NEK6: variants seen among roughly 807,000 people sequenced by gnomAD.
The protein encoded by NEK6 is serine/threonine-protein kinase Nek6.
In NEK6, 27 loss-of-function variants were observed where a neutral mutation model predicts 43.5. The observed-to-expected ratio is 0.62, with a 90% CI of 0.46 to 0.86. The LOEUF (loss-of-function observed/expected upper bound fraction) is 0.86. Ranked by LOEUF, NEK6 falls within the 40% of genes least tolerant of loss-of-function variation. The probability of loss-of-function intolerance (pLI) is 0.00; values close to 1 mark genes in which losing one functional copy is unlikely to be tolerated. For synonymous variants in NEK6, 167 were observed against 164.1 expected, an observed-to-expected ratio of 1.02 and a Z score of -0.14; for missense variants, 318 against 414.4, an observed-to-expected ratio of 0.77 and a Z score of 2.02.
chr9:124,326,202 T>TCACCCCCCCCC lies in NEK6; in HGVS notation c.406-127_406-126insACCCCCCCCCC. 8.1e-6 allele frequency: 1 copy of TCACCCCCCCCC among 124,052 alleles called. No homozygotes were observed. Among genetic ancestry groups the TCACCCCCCCCC allele is most frequent in the Non-Finnish European group, 2.0e-5 (1 of 50,618 alleles). 7.7% of individuals were successfully genotyped at this position (124,052 alleles called of 1,614,324 possible). ...GCTTATTGTTTGCTCAGTGGCTCAA[T>TCACCCCCCCCC]CCCCCCCCCCCGCCCCTGCCAGGCA... is the stretch of plus-strand genomic sequence containing the variant. On this transcript the variant is annotated intron_variant, in intron 5 of 9. Coordinates refer to ENST00000320246, the MANE Select transcript of NEK6 (RefSeq NM_014397.6). This position sits in a 1 kb window ranked among gnomAD's most constrained non-coding sequence, Gnocchi z 4.5.
intron 2 of NEK6, 80 bp downstream of exon 2, chr9:124,302,134 C>T: frequency 9.4e-7 from 1 of 1,064,334 alleles, no homozygotes; most frequent in Non-Finnish European, 1.4e-6. Flanking sequence ...TGTCCAAACT[C>T]CTACTGGTGG....
intron 1 of NEK6, chr9:124,259,117 T>C (rs1339521248): frequency 6.6e-6 from 1 of 152,282 alleles, no homozygotes; most frequent in Non-Finnish European, 1.5e-5. Context: ...GGACACCAGC[T>C]TCCGAGGTCT....
intron 7 of NEK6, among the ~76,000 whole-genome samples, chr9:124,339,035 T>A (rs1829442225): frequency 6.9e-6 from 1 of 145,508 alleles, no homozygotes; most frequent in Admixed American, 6.9e-5. Flanking sequence ...TTTTTTTTTT[T>A]TTTTTTTTTT....
upstream of NEK6, chr9:124,257,622 G>C: frequency 1.3e-6 from 2 of 1,492,404 alleles, no homozygotes; most frequent in Non-Finnish European, 1.8e-6. Flanking sequence ...CTAGGCGATG[G>C]GGAATCCGAA....
At position 124,275,471 on chromosome 9, in the gene NEK6, G is replaced by A. The variant is rs112336137; in HGVS notation, c.-30+17386G>A. Among the ~76,000 whole-genome samples, 673 of 152,314 alleles carry A rather than the reference G, an allele frequency of 4.4e-3. 7 individuals are homozygous for A. Among genetic ancestry groups the A allele is most frequent in the African/African-American group, 0.015 (644 of 41,572 alleles). On this transcript the variant is annotated intron_variant, in intron 1 of 9. Transcript: ENST00000320246. This position sits in a 1 kb window ranked among gnomAD's most constrained non-coding sequence, Gnocchi z 4.4. The stretch of plus-strand genomic sequence containing the variant: ...CTCCAGCTGCCTGCCCCCGCCTGCC[G>A]GGCCCTGTCCTCTGCCAGGCGGAGC...
intron 1 of NEK6, among the ~76,000 whole-genome samples, chr9:124,285,278 G>A (rs10986302): frequency 6.6e-5 from 10 of 152,128 alleles, no homozygotes; most frequent in African/African-American, 2.4e-4. Flanking sequence ...TCTGCTTGTC[G>A]CGTTGGTAGC....
At chr9:124,262,750 T>TAA (rs1196939183) in intron 1 of NEK6, 1 of 152,226 alleles carries the variant, frequency 6.6e-6, no homozygotes, top group Non-Finnish European at 1.5e-5. Flanking sequence ...TTCTTTCTCT[T>TAA]AGACATCTGC....
At chr9:124,272,675 G>A (rs12348318) in intron 1 of NEK6, among the ~76,000 whole-genome samples, 2,365 of 152,292 alleles carry the variant, frequency 0.016, 53 homozygotes, top group African/African-American at 0.054. Flanking sequence ...ACTCACAACC[G>A]CTCCCCCTAA....
intron 8 of NEK6, among the ~76,000 whole-genome samples, chr9:124,345,497 G>A (rs1829872142): frequency 6.6e-6 from 1 of 152,238 alleles, no homozygotes; most frequent in African/African-American, 2.4e-5. Flanking sequence ...GGAAAGAGCA[G>A]AGACATGATG....
intron 1 of NEK6, among the ~76,000 whole-genome samples, chr9:124,264,814 CAAAAA>C (rs372219790): frequency 0.012 from 1,044 of 88,606 alleles, 4 homozygotes; most frequent in African/African-American, 0.02. Flanking sequence ...GACTCTGTAT[CAAAAA>C]AAAAAAAAAA....
rs749637388 is a variant in NEK6 at position 124,347,745 on chromosome 9, A to G, written c.754A>G (p.Met252Val). The change falls in exon 9 of 10, where the codon ATG becomes GTG. Residue 252 changes from methionine to valine, a missense_variant. By Grantham distance (21) the Met-to-Val change is conservative (BLOSUM62 1). Coordinates refer to ENST00000320246, the MANE Select transcript of NEK6 (RefSeq NM_014397.6). ...CCAGAGCCCCTTCTATGGAGATAAG[A>G]TGAATCTCTTCTCCCTGTGCCAGAA... ...ALQSPFYGDK[M>V]NLFSLCQKIE... The G allele has an allele frequency of 6.2e-7, 1 of 1,612,872 alleles. No individual in the cohort carries two copies. The highest frequency in any genetic ancestry group is 1.1e-5 in the South Asian group (1 of 90,848).
At chr9:124,348,431 T>C (rs1830067006) in intron 9 of NEK6, among the ~76,000 whole-genome samples, 7 of 152,170 alleles carry the variant, frequency 4.6e-5, no homozygotes, top group Admixed American at 3.9e-4. Context: ...AAGATGGGAC[T>C]AATAATCTCC....
intron 7 of NEK6, among the ~76,000 whole-genome samples, chr9:124,339,274 C>T (rs1231570068): frequency 2.0e-5 from 3 of 151,794 alleles, no homozygotes; most frequent in African/African-American, 7.3e-5. Context: ...GGATTACAGG[C>T]GTGAGCCATG....
In NEK6 at chr9:124,312,625, G is replaced by A; in HGVS notation, c.207G>A (p.Lys69=). Residue 69 remains lysine, a synonymous_variant, in exon 3 of 10, where the codon AAG becomes AAA. Coordinates refer to ENST00000320246, the MANE Select transcript of NEK6 (RefSeq NM_014397.6). The stretch of plus-strand genomic sequence containing the variant: ...AGGCCACCTGCCTGCTGGACAGGAA[G>A]ACAGTGGCTCTGAAGAAGGTGCAGG... The part of the protein sequence containing the change: ...VYKATCLLDR[K]TVALKKVQIF... The A allele has an allele frequency of 6.2e-7, 1 of 1,613,700 alleles. No homozygotes were observed. The highest frequency in any genetic ancestry group is 8.5e-7 in the Non-Finnish European group (1 of 1,179,640).
At chr9:124,348,110 G>A (rs1564667148) in intron 9 of NEK6, among the ~76,000 whole-genome samples, 1 of 152,186 alleles carries the variant, frequency 6.6e-6, no homozygotes. Flanking sequence ...CCAGTGGGAG[G>A]CCCTCTGCTG....
In NEK6 at chr9:124,351,159, GTCCTTTCTTTAT is replaced by G. The variant is rs1165237312; in HGVS notation, c.*213_*224del. ...ATGTCACTGATGGTCAGATTCCAAA[GTCCTTTCTTTAT>G]ACTGTTGTGGACAATCTCAGCTGGG... On this transcript the variant is annotated 3_prime_UTR_variant, in exon 10 of 10. Transcript: ENST00000320246. 1.9e-6 allele frequency: 1 copy of G among 520,976 alleles called. No individual in the cohort carries two copies. Among genetic ancestry groups the G allele is most frequent in the African/African-American group, 1.9e-5 (1 of 51,928 alleles). The allele number at this position is 520,976 out of a possible 1,614,324, so 32.3% of individuals were successfully genotyped here.
At chr9:124,301,371 C>CT (rs1177558167) in intron 1 of NEK6, among the ~76,000 whole-genome samples, 3 of 152,220 alleles carry the variant, frequency 2.0e-5, no homozygotes, top group Admixed American at 6.5e-5. Flanking sequence ...GCACAGAGGT[C>CT]TAAGTAGGAC....
intron 1 of NEK6, among the ~76,000 whole-genome samples, chr9:124,284,239 C>T (rs1171867340): frequency 3.9e-5 from 6 of 152,202 alleles, no homozygotes; most frequent in African/African-American, 1.4e-4. Context: ...ATCCCAGCTA[C>T]TTGGGAGGCT....
intron 2 of NEK6, among the ~76,000 whole-genome samples, chr9:124,307,465 C>T (rs3758213): frequency 0.38 from 58,551 of 152,092 alleles, 11,611 homozygotes; most frequent in Admixed American, 0.44. Context: ...CTTGTTCCAG[C>T]GGTTCCTCCA....
Sources: gnomAD v4.1 joint callset for allele counts (sites outside exome capture counted in the v4.1 genomes callset) on GRCh38, gnomAD v4.1.1 for gene constraint, Gnocchi (gnomAD v3.1) non-coding constraint, MANE v1.5 for transcripts, NCBI Gene and HGNC (gene_info 2026-07-23, HGNC 2026-07-21) for gene names.